The following NEGR1 variants were observed in gnomAD, a reference collection of about 807,000 sequenced individuals.
NEGR1 encodes neuronal growth regulator 1, also known as IgLON family member 4.
Under a neutral mutation model 40.9 loss-of-function variants are expected in NEGR1, and 10 were observed. That is an observed-to-expected ratio of 0.24 (90% CI 0.15 to 0.42). The LOEUF (loss-of-function observed/expected upper bound fraction) is 0.42. Among genes scored for constraint, NEGR1 ranks in the 10% least tolerant of loss-of-function variants. The probability of loss-of-function intolerance (pLI) is 1.00; values close to 1 mark genes in which losing one functional copy is unlikely to be tolerated. For synonymous variants in NEGR1, 185 were observed against 166.8 expected, an observed-to-expected ratio of 1.11 and a Z score of -0.84; for missense variants, 352 against 438.9, an observed-to-expected ratio of 0.80 and a Z score of 1.77.
chr1:72,050,200 A>C (rs552295095), intron 1 of NEGR1, among the ~76,000 whole-genome samples: 1 of 151,790 alleles, frequency 6.6e-6, no homozygotes, highest in African/African-American at 2.4e-5. Flanking sequence ...AATGATGATT[A>C]ATGTTAAAAA....
chr1:71,870,361 C>T (rs72678988), intron 2 of NEGR1, among the ~76,000 whole-genome samples: 6,171 of 152,138 alleles, frequency 0.041, 167 homozygotes, highest in Middle Eastern at 0.068. Flanking sequence ...AAATAATTAA[C>T]GCATAATTAC....
chr1:72,008,268 A>G (rs1218040158), intron 1 of NEGR1, among the ~76,000 whole-genome samples: 1 of 152,062 alleles, frequency 6.6e-6, no homozygotes, highest in Non-Finnish European at 1.5e-5. Context: ...GAAGGTTAGA[A>G]TTTTCCTTCT....
intron 4 of NEGR1, among the ~76,000 whole-genome samples, chr1:71,678,805 G>T (rs1050548380): frequency 1.3e-5 from 2 of 152,096 alleles, no homozygotes; most frequent in African/African-American, 4.8e-5. Context: ...TTTTAAAATG[G>T]CAAATTCGGG....
At chr1:71,834,336 T>G (rs1316216403) in intron 2 of NEGR1, among the ~76,000 whole-genome samples, 2 of 152,070 alleles carry the variant, frequency 1.3e-5, no homozygotes, top group Admixed American at 1.3e-4. Flanking sequence ...AGAATAGCAT[T>G]TAGATCAATG....
chr1:71,545,018 C>T (rs112678063), intron 6 of NEGR1, among the ~76,000 whole-genome samples: 23 of 151,760 alleles, frequency 1.5e-4, no homozygotes, highest in African/African-American at 5.5e-4. Flanking sequence ...CTTAATGAAG[C>T]ATCTCATTCA....
At chr1:71,697,253 A>T (rs1394835664) in intron 4 of NEGR1, among the ~76,000 whole-genome samples, 1 of 151,904 alleles carries the variant, frequency 6.6e-6, no homozygotes, top group African/African-American at 2.4e-5. Flanking sequence ...TGGGTAAAAT[A>T]CAATTATCCC....
intron 2 of NEGR1, among the ~76,000 whole-genome samples, chr1:71,795,647 A>C (rs1166975150): frequency 6.6e-6 from 1 of 152,174 alleles, no homozygotes. Context: ...CCGTGTGTTT[A>C]TAAAATGTTA....
In NEGR1 at chr1:71,402,984, G is replaced by A. The variant is rs1053204538; in HGVS notation, c.*4462C>T. ...TTATTAGAACATTTCCAGTTTTTTT[G>A]TGGAGGGAGGGCTTTGGTGTATATA... On this transcript the variant is annotated 3_prime_UTR_variant, in exon 7 of 7. Coordinates refer to ENST00000357731, the MANE Select transcript of NEGR1 (RefSeq NM_173808.3). 1.3e-5 allele frequency: 2 copies of A among 152,058 alleles called. No individual in the cohort carries two copies. Among genetic ancestry groups the A allele is most frequent in the East Asian group, 1.9e-4 (1 of 5,184 alleles). 9.4% of individuals were successfully genotyped at this position (152,058 alleles called of 1,614,324 possible). A position where few individuals can be genotyped will look rare whatever the true frequency, so the allele number is the denominator to read the frequency against.
intron 6 of NEGR1, among the ~76,000 whole-genome samples, chr1:71,409,874 ATG>A (rs1646304208): frequency 2.0e-5 from 3 of 152,004 alleles, no homozygotes; most frequent in Non-Finnish European, 4.4e-5. Flanking sequence ...AGGCTAGAAA[ATG>A]TACTATAGTA....
At chr1:72,249,065 T>C (rs1016435442) in intron 1 of NEGR1, among the ~76,000 whole-genome samples, 1 of 152,194 alleles carries the variant, frequency 6.6e-6, no homozygotes, top group Non-Finnish European at 1.5e-5. Context: ...CCATCACCTA[T>C]GTGAGGGTAT....
chr1:71,767,310 G>A (rs967595403), intron 3 of NEGR1, among the ~76,000 whole-genome samples: 2 of 152,154 alleles, frequency 1.3e-5, no homozygotes. Context: ...AGATAGAAAT[G>A]AGGAATGTAT....
intron 2 of NEGR1, among the ~76,000 whole-genome samples, chr1:71,847,693 G>C (rs1659466840): frequency 6.6e-6 from 1 of 152,084 alleles, no homozygotes; most frequent in Admixed American, 6.5e-5. Flanking sequence ...TTCCTTCAGA[G>C]ACAAAAATAT....
intron 1 of NEGR1, among the ~76,000 whole-genome samples, chr1:71,988,545 C>CAAAAA (rs1197884975): frequency 0.024 from 943 of 39,734 alleles, 67 homozygotes; most frequent in Non-Finnish European, 0.037. Context: ...GACTCCGTCT[C>CAAAAA]AAAAAAAAAA....
At chr1:71,720,781 C>T (rs754589807) in intron 3 of NEGR1, among the ~76,000 whole-genome samples, 10 of 152,268 alleles carry the variant, frequency 6.6e-5, no homozygotes, top group Non-Finnish European at 1.3e-4. Flanking sequence ...GTTTTGATGA[C>T]TTCCAAACTT....
At chr1:72,083,811 C>T (rs1367017661) in intron 1 of NEGR1, among the ~76,000 whole-genome samples, 1 of 151,992 alleles carries the variant, frequency 6.6e-6, no homozygotes. Flanking sequence ...CCCATTTTCC[C>T]TCTACATGGA....
At chr1:71,475,503 T>C (rs568210662) in intron 6 of NEGR1, among the ~76,000 whole-genome samples, 1 of 152,028 alleles carries the variant, frequency 6.6e-6, no homozygotes, top group East Asian at 1.9e-4. Context: ...AACTGTAATT[T>C]TTTTCATGTG....
At chr1:72,220,264 C>A (rs1019958234) in intron 1 of NEGR1, among the ~76,000 whole-genome samples, 1 of 151,968 alleles carries the variant, frequency 6.6e-6, no homozygotes, top group African/African-American at 2.4e-5. Flanking sequence ...TTCTCTCTCT[C>A]TCTCTCCCCC....
At chr1:71,668,479 GGATAACTATTCTTTTTTTAATT>G (rs1413337060) in intron 4 of NEGR1, among the ~76,000 whole-genome samples, 2 of 152,100 alleles carry the variant, frequency 1.3e-5, no homozygotes, top group Non-Finnish European at 2.9e-5. Flanking sequence ...AGGGCTCATT[GGATAACTATTCTTTTTTTAATT>G]GATAGAATAT....
intron 2 of NEGR1, among the ~76,000 whole-genome samples, chr1:71,824,227 C>A (rs1226563995): frequency 6.6e-6 from 1 of 151,886 alleles, no homozygotes; most frequent in African/African-American, 2.4e-5. Flanking sequence ...CAGAATAGGG[C>A]AAAACCTAGT....
Sources: allele counts gnomAD v4.1 joint callset (sites outside exome capture counted in the v4.1 genomes callset), GRCh38; gene constraint gnomAD v4.1.1; transcripts MANE v1.5; gene names NCBI Gene and HGNC (gene_info 2026-07-23, HGNC 2026-07-21).